Variants in ACY1 observed in about 807,000 individuals in gnomAD.
ACY1 encodes aminoacylase-1.
ACY1 carries 38 observed loss-of-function variants against 53.3 expected under a neutral mutation model. The ratio of observed to expected loss-of-function variants is 0.71; its 90% confidence interval spans 0.55 to 0.93. The LOEUF is 0.93. Ranked by LOEUF, ACY1 falls within the 40% of genes least tolerant of loss-of-function variation. The probability of loss-of-function intolerance (pLI) is 0.00; values close to 1 mark genes in which losing one functional copy is unlikely to be tolerated. For synonymous variants in ACY1, 177 were observed against 202.1 expected (o/e 0.88, Z 1.05); for missense variants, 484 against 540.9 (o/e 0.89, Z 1.04).
intron 4 of ACY1, 42 bp from the exon 5 acceptor site, chr3:51,985,810 T>C (rs1347515464): frequency 6.4e-7 from 1 of 1,562,082 alleles, no homozygotes; most frequent in Non-Finnish European, 8.8e-7. Context: ...GATTAATGGC[T>C]AAATTTGGGG....
intron 5 of ACY1, 47 bp from the exon 6 acceptor site, chr3:51,986,208 C>G (rs755232868): frequency 6.3e-7 from 1 of 1,596,036 alleles, no homozygotes; most frequent in Admixed American, 1.7e-5. Context: ...GTGGGGCCAG[C>G]CTGCGCATCT....
intron 4 of ACY1, 102 bp downstream of exon 4, chr3:51,985,567 C>A: frequency 9.0e-7 from 1 of 1,114,956 alleles, no homozygotes; most frequent in Non-Finnish European, 1.3e-6. Flanking sequence ...TGGCCCCAGT[C>A]CTGACACTAA....
chr3:51,986,430 G>A lies in ACY1; in HGVS notation c.452G>A (p.Gly151Asp), dbSNP rs1337032969. The A allele has an allele frequency of 6.2e-7, 1 of 1,611,648 alleles. No homozygotes were observed. The highest frequency in any genetic ancestry group is 8.5e-7 in the Non-Finnish European group (1 of 1,178,872). ...MTFVPDEEVG[G>D]HQGMELFVQR... ...GCTTTTACAGATGAGGAGGTTGGGG[G>A]TCACCAAGGCATGGAGCTGTTCGTG... The change falls in exon 7 of 15, where the codon GGT becomes GAT. Residue 151 changes from glycine to aspartate, a missense_variant. Physicochemically the swap from Gly to Asp is moderately conservative, Grantham distance 94 (BLOSUM62 -1). Transcript: ENST00000636358.
Position 51,986,338 on chromosome 3 carries a change from GTGGCTCAGATACCTT to G in ACY1, c.436+11_436+25del. On this transcript the variant is annotated splice_region_variant and intron_variant, in intron 6 of 14. Transcript: ENST00000636358. ...CACATGACCTTTGTGCCTGGTAGGA[GTGGCTCAGATACCTT>G]TGGGAAAGGGGAGGGTGGGGCGGGG... 1.2e-6 allele frequency: 2 copies of G among 1,611,770 alleles called. No homozygotes were observed. Among genetic ancestry groups the G allele is most frequent in the South Asian group, 2.2e-5 (2 of 90,966 alleles).
chr3:51,987,703 G>A (rs566470730), intron 12 of ACY1, 79 bp downstream of exon 12: 26 of 1,442,130 alleles, frequency 1.8e-5, no homozygotes, highest in Admixed American at 1.7e-4. Context: ...TGTGTGCTTG[G>A]TGTGTCTGCA....
chr3:51,985,539 T>C, intron 4 of ACY1, 74 bp downstream of exon 4: 1 of 1,439,628 alleles, frequency 6.9e-7, no homozygotes, highest in East Asian at 2.3e-5. Flanking sequence ...GGATTCAACC[T>C]CAAGTTGCTC....
chr3:51,985,111 A>C, intron 2 of ACY1, 96 bp from the exon 3 acceptor site: 1 of 1,220,970 alleles, frequency 8.2e-7, no homozygotes, highest in South Asian at 1.3e-5. Flanking sequence ...GGGAGGCAGC[A>C]GCCCATTTCT....
At chr3:51,985,613 A>G in intron 4 of ACY1, 148 bp downstream of exon 4, 1 of 824,900 alleles carries the variant, frequency 1.2e-6, no homozygotes, top group East Asian at 2.7e-5. Context: ...CCACTCAAGC[A>G]GCCTTCATCC....
Position 51,989,149 on chromosome 3 carries a change from C to A in ACY1, c.*74C>A. On this transcript the variant is annotated 3_prime_UTR_variant, in exon 15 of 15. Coordinates refer to ENST00000636358, the MANE Select transcript of ACY1 (RefSeq NM_000666.3). ...TGCCAAGGACCTCCTCTTCCCCCTT[C>A]CAAATAATAAAGTCTATGGACAGGG... is the stretch of plus-strand genomic sequence containing the variant. 2 of 1,584,998 alleles carry A rather than the reference C, an allele frequency of 1.3e-6. No individual in the cohort carries two copies. Among genetic ancestry groups the A allele is most frequent in the Non-Finnish European group, 1.7e-6 (2 of 1,164,052 alleles).
chr3:51,986,154 G>T, intron 5 of ACY1, 101 bp from the exon 6 acceptor site: 1 of 1,286,742 alleles, frequency 7.8e-7, no homozygotes, highest in Non-Finnish European at 1.1e-6. Context: ...GGGTGTGGCA[G>T]GGTAAAGTCC....
At position 51,986,177 on chromosome 3, in the gene ACY1, TCCAGCCTGCTGGCCCTGCCTGTGGGG is replaced by T. The variant is rs1701049225; in HGVS notation, c.360-68_360-43del. On this transcript the variant is annotated intron_variant, in intron 5 of 14. Coordinates refer to ENST00000636358, the MANE Select transcript of ACY1 (RefSeq NM_000666.3). ...CAGGGTAAAGTCCAGGACACAGGACTCCAGCCTGCTGGCCCTGCCTGTGGGGCCAGCCTGCGCATCTGGTGGCTCCC... is the reference window on the plus strand; with the variant it reads ...CAGGGTAAAGTCCAGGACACAGGACTCCAGCCTGCGCATCTGGTGGCTCCC... The T allele has an allele frequency of 1.9e-5, 28 of 1,472,406 alleles. No individual in the cohort carries two copies. The South Asian group carries it at 2.0e-4, about 10-fold the overall frequency. 91.2% of individuals were successfully genotyped at this position (1,472,406 alleles called of 1,614,324 possible).
At chr3:51,985,045 ATCT>A in intron 2 of ACY1, 159 bp from the exon 3 acceptor site, 2 of 777,064 alleles carry the variant, frequency 2.6e-6, no homozygotes, top group Admixed American at 2.1e-5. Flanking sequence ...AGCCAAAAAT[ATCT>A]TCTTTCTTGG....
chr3:51,984,281 A>G, intron 2 of ACY1, 123 bp downstream of exon 2: 2 of 856,760 alleles, frequency 2.3e-6, no homozygotes, highest in Non-Finnish European at 3.8e-6. Context: ...TGGCTCCCCA[A>G]CCCCTCCAGC....
Position 51,988,836 on chromosome 3 carries a change from T to C in ACY1, c.1062+10T>C, listed in dbSNP as rs74974740. On this transcript the variant is annotated intron_variant, in intron 14 of 14. Coordinates refer to ENST00000636358, the MANE Select transcript of ACY1 (RefSeq NM_000666.3). ...CCGCTATATCCGCGCGGTGAGCCAC[T>C]TGCATATAGTGCCTGGGCAGTGGAC... The C allele has an allele frequency of 7.1e-3, 11,482 of 1,614,194 alleles. 63 individuals are homozygous for C. Among genetic ancestry groups the C allele is most frequent in the Non-Finnish European group, 8.4e-3 (9,891 of 1,180,024 alleles).
intron 4 of ACY1, 133 bp from the exon 5 acceptor site, chr3:51,985,719 C>T (rs534913640): frequency 1.4e-5 from 12 of 853,068 alleles, no homozygotes; most frequent in Admixed American, 4.0e-5. Flanking sequence ...CTTCAGCCCC[C>T]GTCTTTCCTC....
At position 51,987,587 on chromosome 3, in the gene ACY1, A is replaced by G. The variant is rs566568022; in HGVS notation, c.884A>G (p.Gln295Arg). Reference protein sequence around the residue: ...AFEEQLQSWCQAAGEGVTLEF... With the variant: ...AFEEQLQSWCRAAGEGVTLEF... ...GAGGAGCAGCTGCAGAGCTGGTGCC[A>G]GGCAGCTGGCGAGGGGGTCACCCTA... Residue 295 changes from glutamine (Q) to arginine (R), a missense_variant, in exon 12 of 15, where the codon CAG (glutamine) becomes CGG (arginine). Coordinates refer to ENST00000636358, the MANE Select transcript of ACY1 (RefSeq NM_000666.3). The G allele has an allele frequency of 5.6e-6, 9 of 1,614,124 alleles. No individual in the cohort carries two copies. In the South Asian group the frequency reaches 9.9e-5, roughly 18 times the overall value.
Position 51,983,750 on chromosome 3 carries a change from C to T in ACY1, c.-19+161C>T, listed in dbSNP as rs1700964511. 2.6e-5 allele frequency among the ~76,000 whole-genome samples: 4 copies of T among 151,528 alleles called. No individual in the cohort carries two copies. In the South Asian group the frequency reaches 8.3e-4, roughly 31 times the overall value. ...AGTACAAGTCTGGGTTCAAACCTTG[C>T]TCAGCTACTCTATGAGCTGTCCTTG... On this transcript the variant is annotated intron_variant, in intron 1 of 14. Transcript: ENST00000636358.
rs948630125 is a variant in ACY1, at chr3:51,986,858, C to A, written c.584-130C>A. ...ATGGGCAGAAACCAGCTGTATGCTA[C>A]GGGCCCTGAGTGGGGACAGGACCCT... On this transcript the variant is annotated intron_variant, in intron 8 of 14. Coordinates refer to ENST00000636358, the MANE Select transcript of ACY1 (RefSeq NM_000666.3). 2.4e-6 allele frequency: 3 copies of A among 1,239,662 alleles called. No individual in the cohort carries two copies. The South Asian group carries it at 3.8e-5, about 16-fold the overall frequency. 76.8% of individuals were successfully genotyped at this position (1,239,662 alleles called of 1,614,324 possible).
At position 51,984,113 on chromosome 3, in the gene ACY1, C is replaced by T. The variant is rs749167670; in HGVS notation, c.49C>T (p.Arg17Cys). ...GGAGCACCCATCGGTGACGCTCTTC[C>T]GCCAGTACCTGCGTATCCGCACTGT... is the stretch of plus-strand genomic sequence containing the variant. ...EEEHPSVTLF[R>C]QYLRIRTVQP... Residue 17 changes from arginine (R) to cysteine (C), a missense_variant, in exon 2 of 15, where the codon CGC becomes TGC. Physicochemically the swap from Arg to Cys is radical, Grantham distance 180 (BLOSUM62 -3). Transcript: ENST00000636358. The T allele has an allele frequency of 5.0e-6, 8 of 1,613,816 alleles. No individual in the cohort carries two copies. The highest frequency in any genetic ancestry group is 2.2e-5 in the East Asian group (1 of 44,896).
Sources: allele counts gnomAD v4.1 joint callset (sites outside exome capture counted in the v4.1 genomes callset), GRCh38; gene constraint gnomAD v4.1.1; transcripts MANE v1.5; gene names NCBI Gene and HGNC (gene_info 2026-07-23, HGNC 2026-07-21).